The following DPY19L3 variants were observed in gnomAD, a reference collection of about 807,000 sequenced individuals.
The protein encoded by DPY19L3 is dpy-19 like C-mannosyltransferase 3.
Under a neutral mutation model 92.3 loss-of-function variants are expected in DPY19L3, and 51 were observed. The ratio of observed to expected loss-of-function variants is 0.55; its 90% CI spans 0.44 to 0.70. DPY19L3 has a LOEUF of 0.70. DPY19L3 is among the 30% of genes least tolerant of loss of function. DPY19L3 has a pLI of 0.00. For synonymous variants in DPY19L3, 309 were observed against 315.2 expected (o/e 0.98, Z 0.21); for missense variants, 706 against 855.9 (o/e 0.82, Z 2.18).
At chr19:32,454,858 A>G (rs1279249248) in intron 9 of DPY19L3, 81 bp from the exon 10 acceptor site, 1 of 922,962 alleles carries the variant, frequency 1.1e-6, no homozygotes, top group Non-Finnish European at 1.7e-6. Flanking sequence ...GTGTTTTTAA[A>G]TCCTTAAGTA....
intron 15 of DPY19L3, among the ~76,000 whole-genome samples, chr19:32,465,013 A>C (rs1302151271): frequency 2.0e-5 from 3 of 152,344 alleles, no homozygotes; most frequent in African/African-American, 7.2e-5. Flanking sequence ...TAATAATTCT[A>C]ATTAATTTTG....
intron 3 of DPY19L3, among the ~76,000 whole-genome samples, chr19:32,428,788 A>G (rs994042668): frequency 1.6e-4 from 24 of 147,682 alleles, no homozygotes; most frequent in African/African-American, 6.0e-4. Flanking sequence ...AAATTGCTAT[A>G]TACACTGTTA....
chr19:32,412,208 C>T (rs1361325348), intron 3 of DPY19L3: 1 of 152,074 alleles, frequency 6.6e-6, no homozygotes, highest in Non-Finnish European at 1.5e-5. Context: ...TTTTCATTAA[C>T]TTATTCCATT....
At chr19:32,440,277 A>G (rs1657480452) in intron 8 of DPY19L3, among the ~76,000 whole-genome samples, 1 of 152,202 alleles carries the variant, frequency 6.6e-6, no homozygotes, top group African/African-American at 2.4e-5. Context: ...GCTTTTTTGT[A>G]GTACTTTATA....
chr19:32,410,272 A>G (rs1599580129), intron 2 of DPY19L3, among the ~76,000 whole-genome samples: 1 of 152,242 alleles, frequency 6.6e-6, no homozygotes, highest in East Asian at 1.9e-4. Context: ...CTACTGCAGT[A>G]TTCATCTTGA....
chr19:32,476,098 A>G (rs1970500604), intron 16 of DPY19L3, among the ~76,000 whole-genome samples: 1 of 152,172 alleles, frequency 6.6e-6, no homozygotes, highest in African/African-American at 2.4e-5. Context: ...GAATTGTGGG[A>G]TGTCTTGCTT....
At chr19:32,425,906 A>G (rs1362479101) in intron 3 of DPY19L3, among the ~76,000 whole-genome samples, 1 of 152,198 alleles carries the variant, frequency 6.6e-6, no homozygotes, top group Admixed American at 6.5e-5. Flanking sequence ...TTAGCCCCTA[A>G]CGAGAGTCAG....
chr19:32,450,860 T>C (rs1328153136), intron 8 of DPY19L3, among the ~76,000 whole-genome samples: 1 of 152,196 alleles, frequency 6.6e-6, no homozygotes, highest in Non-Finnish European at 1.5e-5. Context: ...TGATGGTATA[T>C]GAATTATATC....
intron 17 of DPY19L3, among the ~76,000 whole-genome samples, chr19:32,479,248 A>G (rs1228479547): frequency 6.6e-6 from 1 of 152,150 alleles, no homozygotes. Flanking sequence ...TGTTCCAGAT[A>G]GTTCCAAATT....
intron 3 of DPY19L3, among the ~76,000 whole-genome samples, chr19:32,426,535 A>G (rs1968770625): frequency 6.6e-6 from 1 of 152,122 alleles, no homozygotes; most frequent in African/African-American, 2.4e-5. Context: ...CTTCCTTTCG[A>G]CGCTTAGAGG....
chr19:32,421,032 T>C (rs1443983056), intron 3 of DPY19L3, among the ~76,000 whole-genome samples: 1 of 152,222 alleles, frequency 6.6e-6, no homozygotes, highest in Non-Finnish European at 1.5e-5. Context: ...TTTCCATATA[T>C]ACATTTTCAC....
intron 8 of DPY19L3, among the ~76,000 whole-genome samples, chr19:32,440,922 G>A (rs1969301730): frequency 6.6e-6 from 1 of 152,098 alleles, no homozygotes; most frequent in African/African-American, 2.4e-5. Flanking sequence ...GAATTTGGGT[G>A]GGATGTCAGG....
chr19:32,422,854 A>G (rs983764148), intron 3 of DPY19L3, among the ~76,000 whole-genome samples: 4 of 152,220 alleles, frequency 2.6e-5, no homozygotes, highest in African/African-American at 4.8e-5. Context: ...CAAGTTACCA[A>G]TAAGGAGAAA....
intron 16 of DPY19L3, among the ~76,000 whole-genome samples, chr19:32,471,821 A>G (rs1047107362): frequency 6.6e-6 from 1 of 152,196 alleles, no homozygotes. Flanking sequence ...GCCTTACCTG[A>G]GGGTGACACT....
intron 14 of DPY19L3, among the ~76,000 whole-genome samples, chr19:32,464,239 A>T (rs1305474451): frequency 7.9e-5 from 12 of 152,126 alleles, no homozygotes; most frequent in Admixed American, 7.9e-4. Flanking sequence ...ACAAAAGGGG[A>T]ATTAAAATTA....
intron 14 of DPY19L3, 120 bp downstream of exon 14, chr19:32,464,100 TAC>T: frequency 2.1e-6 from 1 of 475,242 alleles, no homozygotes; most frequent in South Asian, 5.6e-5. Context: ...AAGCTGAAAA[TAC>T]ATAATTGATA....
chr19:32,482,060 G>A lies in DPY19L3; in HGVS notation c.1990-19G>A, dbSNP rs1284464645. On this transcript the variant is annotated intron_variant, in intron 18 of 18. Coordinates refer to ENST00000392250, the MANE Select transcript of DPY19L3 (RefSeq NM_001172774.2). ...AGAATTTTCCCCCCAAATTGTATTT[G>A]GGTTTGTTTTGGTTTTAGATGATGG... The A allele has an allele frequency of 1.2e-6, 2 of 1,604,514 alleles. No individual in the cohort carries two copies. Among genetic ancestry groups the A allele is most frequent in the Non-Finnish European group, 1.7e-6 (2 of 1,176,550 alleles).
At chr19:32,410,167 TTTAACA>T (rs1167552038) in intron 2 of DPY19L3, among the ~76,000 whole-genome samples, 1 of 152,254 alleles carries the variant, frequency 6.6e-6, no homozygotes, top group Non-Finnish European at 1.5e-5. Context: ...TTTGCATTTC[TTTAACA>T]TTAATGAATT....
At chr19:32,424,851 A>G (rs969896193) in intron 3 of DPY19L3, among the ~76,000 whole-genome samples, 3 of 152,244 alleles carry the variant, frequency 2.0e-5, no homozygotes, top group African/African-American at 7.2e-5. Flanking sequence ...CAGCCACAGT[A>G]ATCAAGACTC....
Sources: allele counts gnomAD v4.1 joint callset (sites outside exome capture counted in the v4.1 genomes callset), GRCh38; gene constraint gnomAD v4.1.1; transcripts MANE v1.5; gene names NCBI Gene and HGNC (gene_info 2026-07-23, HGNC 2026-07-21).